Variants in NUP93 observed in about 807,000 individuals in gnomAD.
NUP93 encodes the protein nucleoporin 93.
In NUP93, 55 loss-of-function variants were observed where a neutral mutation model predicts 107.8. That is an observed-to-expected ratio of 0.51 (90% CI 0.41 to 0.64). The LOEUF (loss-of-function observed/expected upper bound fraction) is 0.64. Among genes scored for constraint, NUP93 ranks in the 30% least tolerant of loss-of-function variants. The probability of loss-of-function intolerance (pLI) is 0.00; values close to 1 mark genes in which losing one functional copy is unlikely to be tolerated. For synonymous variants in NUP93, 390 were observed against 397.5 expected, an observed-to-expected ratio of 0.98 and a Z score of 0.22; for missense variants, 937 against 1,044.7, an observed-to-expected ratio of 0.90 and a Z score of 1.42.
intron 3 of NUP93, among the ~76,000 whole-genome samples, chr16:56,785,008 G>A (rs1321815202): frequency 2.0e-5 from 3 of 152,108 alleles, no homozygotes; most frequent in East Asian, 1.9e-4. Context: ...ATTAACTTAC[G>A]GAATAAGAGC....
chr16:56,820,488 G>A (rs1259539808), intron 6 of NUP93, among the ~76,000 whole-genome samples: 3 of 152,130 alleles, frequency 2.0e-5, no homozygotes, highest in Non-Finnish European at 4.4e-5. Context: ...GCTAATTTTT[G>A]TATTTTTAAT....
intron 8 of NUP93, among the ~76,000 whole-genome samples, chr16:56,825,056 C>T (rs899063977): frequency 6.6e-6 from 1 of 151,758 alleles, no homozygotes; most frequent in Non-Finnish European, 1.5e-5. Flanking sequence ...AAAAACTTCC[C>T]AGGAATTTTT....
At chr16:56,739,617 C>T (rs1433713599) in intron 1 of NUP93, among the ~76,000 whole-genome samples, 6 of 113,064 alleles carry the variant, frequency 5.3e-5, no homozygotes, top group African/African-American at 1.5e-4. Context: ...GCTGGCCGGG[C>T]GGGGGGCCGA....
chr16:56,743,890 TATA>T (rs1384361885), intron 1 of NUP93, among the ~76,000 whole-genome samples: 1 of 152,144 alleles, frequency 6.6e-6, no homozygotes, highest in Non-Finnish European at 1.5e-5. Flanking sequence ...AAGTCCTACT[TATA>T]GGGAGAGTAA....
intron 1 of NUP93, among the ~76,000 whole-genome samples, chr16:56,738,338 GAT>G (rs1407485540): frequency 6.6e-6 from 1 of 152,184 alleles, no homozygotes; most frequent in African/African-American, 2.4e-5. Flanking sequence ...TTTTCTTTGT[GAT>G]GCCAGGTTAT....
intron 3 of NUP93, among the ~76,000 whole-genome samples, chr16:56,792,485 G>C (rs1962789806): frequency 6.6e-6 from 1 of 152,214 alleles, no homozygotes; most frequent in South Asian, 2.1e-4. Flanking sequence ...TGGGTCATCT[G>C]GACATAGAAC....
chr16:56,841,532 C>A, intron 20 of NUP93, 173 bp from the exon 21 acceptor site: 1 of 712,998 alleles, frequency 1.4e-6, no homozygotes, highest in Non-Finnish European at 2.3e-6. Flanking sequence ...TTTTTTCTCA[C>A]ACTTGATGTT....
chr16:56,793,291 T>C (rs189332716), intron 3 of NUP93, among the ~76,000 whole-genome samples: 2 of 152,280 alleles, frequency 1.3e-5, no homozygotes, highest in Admixed American at 6.5e-5. Flanking sequence ...GGAGGTGTTC[T>C]TTATTGAGCT....
At chr16:56,731,366 A>G (rs1197326512) in intron 1 of NUP93, among the ~76,000 whole-genome samples, 3 of 150,694 alleles carry the variant, frequency 2.0e-5, no homozygotes, top group Non-Finnish European at 4.4e-5. Flanking sequence ...CTTTTGAGCC[A>G]TCGTTGACTG....
rs748524706 is a variant in NUP93 at position 56,834,407 on chromosome 16, C to T, written c.1702C>T (p.Arg568Cys). 1.4e-5 allele frequency: 23 copies of T among 1,614,042 alleles called. No individual in the cohort carries two copies. The highest frequency in any genetic ancestry group is 5.3e-5 in the African/African-American group (4 of 74,912). The change falls in exon 15 of 22, where the codon CGC becomes TGC. Residue 568 changes from arginine to cysteine, a missense_variant. Arg to Cys is a radical substitution (Grantham distance 180). Coordinates refer to ENST00000308159, the MANE Select transcript of NUP93 (RefSeq NM_014669.5). ...TAGTCAAGGAGAAAACATGTTTCTGCGCTGTGTGAGTGAGCTTGTGATTGA... is the reference window on the plus strand; with the variant it reads ...TAGTCAAGGAGAAAACATGTTTCTGTGCTGTGTGAGTGAGCTTGTGATTGA... ...KDSQGENMFLRCVSELVIESR... is the reference protein window; with the variant it reads ...KDSQGENMFLCCVSELVIESR...
At chr16:56,810,854 C>G (rs1963300814) in intron 5 of NUP93, among the ~76,000 whole-genome samples, 1 of 152,132 alleles carries the variant, frequency 6.6e-6, no homozygotes, top group African/African-American at 2.4e-5. Context: ...CATCCAATAT[C>G]ATAAATTAAT....
At chr16:56,842,432 C>T in intron 21 of NUP93, 1 of 367,368 alleles carries the variant, frequency 2.7e-6, no homozygotes, top group Non-Finnish European at 5.3e-6. Context: ...GTGCATGGGT[C>T]AAGTGGAGTC....
chr16:56,785,259 T>G (rs6416772), intron 3 of NUP93, among the ~76,000 whole-genome samples: 116,669 of 152,030 alleles, frequency 0.77, 45,065 homozygotes, highest in East Asian at 0.95. Flanking sequence ...AGTAAAACTT[T>G]GTTGAAGATC....
intron 3 of NUP93, among the ~76,000 whole-genome samples, chr16:56,796,281 A>G (rs1377988234): frequency 2.0e-5 from 3 of 152,202 alleles, no homozygotes; most frequent in Non-Finnish European, 2.9e-5. Context: ...TACCTTGTCT[A>G]TAATTAGATA....
At chr16:56,785,483 G>A (rs1272315334) in intron 3 of NUP93, among the ~76,000 whole-genome samples, 2 of 152,134 alleles carry the variant, frequency 1.3e-5, no homozygotes, top group African/African-American at 2.4e-5. Context: ...TGAAATTTTA[G>A]CCTGGCTGAT....
chr16:56,847,810 C>T lies in NUP93; in HGVS notation c.*3201C>T, dbSNP rs1964133665. The T allele has an allele frequency of 6.6e-6, 1 of 152,192 alleles. No individual in the cohort carries two copies. Among genetic ancestry groups the T allele is most frequent in the Non-Finnish European group, 1.5e-5 (1 of 68,040 alleles). The allele number at this position is 152,192 out of a possible 1,614,324, so 9.4% of individuals were successfully genotyped here. On this transcript the variant is annotated 3_prime_UTR_variant, in exon 22 of 22. Coordinates refer to ENST00000308159, the MANE Select transcript of NUP93 (RefSeq NM_014669.5). ...CTGGGGCCAGGATGCAGACCCAGCT[C>T]CTGTCCTCCGCGAACTTACAGTCTA...
chr16:56,805,555 G>A lies in NUP93; in HGVS notation c.412G>A (p.Glu138Lys). 1 of 1,614,072 alleles carries A rather than the reference G, an allele frequency of 6.2e-7. No homozygotes were observed. Among genetic ancestry groups the A allele is most frequent in the Non-Finnish European group, 8.5e-7 (1 of 1,180,010 alleles). ...TCGGGAGTCAATGTTGGTTGAGTGG[G>A]AGCAAGTGAAACAGCGAATTCTGCA... ...YHRESMLVEW[E>K]QVKQRILHTL... Residue 138 changes from glutamate (E) to lysine (K), a missense_variant, in exon 5 of 22, where the codon GAG becomes AAG. Transcript: ENST00000308159.
intron 15 of NUP93, 136 bp from the exon 16 acceptor site, chr16:56,834,598 C>G (rs1285646221): frequency 1.8e-6 from 2 of 1,098,794 alleles, no homozygotes; most frequent in East Asian, 5.0e-5. Context: ...ATATTTATTT[C>G]AGTCACACTG....
chr16:56,760,968 C>G (rs1180370016), intron 3 of NUP93, among the ~76,000 whole-genome samples: 1 of 149,400 alleles, frequency 6.7e-6, no homozygotes, highest in Non-Finnish European at 1.5e-5. Context: ...CAAAAAAAAC[C>G]AAAAAAAAAC....
Sources: allele counts gnomAD v4.1 joint callset (sites outside exome capture counted in the v4.1 genomes callset), GRCh38; gene constraint gnomAD v4.1.1; transcripts MANE v1.5; gene names NCBI Gene and HGNC (gene_info 2026-07-23, HGNC 2026-07-21).